Variants in MTMR10 observed in about 807,000 individuals in gnomAD.
MTMR10 encodes myotubularin related protein 10, also known as myotubularin-related protein 10.
MTMR10 carries 56 observed loss-of-function variants against 88.1 expected under a neutral mutation model. The observed-to-expected ratio is 0.64, with a 90% CI of 0.51 to 0.79. MTMR10 has a LOEUF of 0.79. MTMR10 is among the 30% of genes least tolerant of loss of function. The probability of loss-of-function intolerance (pLI) is 0.00; values close to 1 mark genes in which losing one functional copy is unlikely to be tolerated. For synonymous variants in MTMR10, 380 were observed against 340.9 expected, an observed-to-expected ratio of 1.11 and a Z score of -1.26; for missense variants, 883 against 924.7, an observed-to-expected ratio of 0.95 and a Z score of 0.58.
rs1292560434 is a variant in MTMR10, at chr15:30,940,176, G to A, written c.*1294C>T. On this transcript the variant is annotated 3_prime_UTR_variant, in exon 16 of 16. Coordinates refer to ENST00000435680, the MANE Select transcript of MTMR10 (RefSeq NM_017762.3). ...AGTATCCATGTTTTAAGCGGGGAAT[G>A]AGGAGTGTGGGGGAGGTGGTGCCCC... 1.0e-5 allele frequency: 10 copies of A among 985,352 alleles called. No homozygotes were observed. In the Admixed American group the frequency reaches 1.8e-4, roughly 18 times the overall value. The allele number at this position is 985,352 out of a possible 1,614,324, so 61.0% of individuals were successfully genotyped here.
intron 2 of MTMR10, among the ~76,000 whole-genome samples, chr15:30,988,978 ACT>A (rs1292625706): frequency 2.2e-5 from 3 of 133,618 alleles, no homozygotes; most frequent in Admixed American, 8.0e-5. Context: ...TAAGAGTGAG[ACT>A]CTGTCTCAAA....
At chr15:30,962,822 C>T (rs1289786516) in intron 6 of MTMR10, among the ~76,000 whole-genome samples, 2 of 152,222 alleles carry the variant, frequency 1.3e-5, no homozygotes, top group African/African-American at 4.8e-5. Context: ...CTAACTCTCG[C>T]TGCAGAGAGA....
At position 30,951,128 on chromosome 15, in the gene MTMR10, C is replaced by T. The variant is rs181683690; in HGVS notation, c.1207+840G>A. Among the ~76,000 whole-genome samples, 20 of 152,324 alleles carry T rather than the reference C, an allele frequency of 1.3e-4. No individual in the cohort carries two copies. In the East Asian group the frequency reaches 3.9e-3, roughly 29 times the overall value. ...TAGTCTATTGAACTTTATCTGCAAA[C>T]TTACAAATTCTATTAGCTGTAAGTT... is the stretch of plus-strand genomic sequence containing the variant. On this transcript the variant is annotated intron_variant, in intron 12 of 15. Transcript: ENST00000435680.
intron 1 of MTMR10, among the ~76,000 whole-genome samples, chr15:30,991,106 C>G (rs535503108): frequency 6.6e-6 from 1 of 152,286 alleles, no homozygotes; most frequent in South Asian, 2.1e-4. Flanking sequence ...TGACCCCAAG[C>G]GCTGCAATCA....
At chr15:30,990,075 G>T (rs1259782208) in intron 2 of MTMR10, among the ~76,000 whole-genome samples, 1 of 152,008 alleles carries the variant, frequency 6.6e-6, no homozygotes, top group East Asian at 1.9e-4. Context: ...GTCACCTATA[G>T]CAAATTTTGT....
intron 2 of MTMR10, among the ~76,000 whole-genome samples, chr15:30,989,870 C>A (rs1390460001): frequency 6.6e-6 from 1 of 152,120 alleles, no homozygotes; most frequent in Non-Finnish European, 1.5e-5. Context: ...CAGGCATGAG[C>A]CACCGTGCCC....
chr15:30,923,373 T>C, the MTMR10 span, among the ~76,000 whole-genome samples: 5 of 152,176 alleles, frequency 3.3e-5, no homozygotes, highest in African/African-American at 1.2e-4. Flanking sequence ...TTTCTTTCAA[T>C]GAAATAAAAG....
At chr15:30,921,394 A>T in the MTMR10 span, among the ~76,000 whole-genome samples, 9 of 152,244 alleles carry the variant, frequency 5.9e-5, no homozygotes, top group Non-Finnish European at 1.2e-4. Flanking sequence ...GAGACAATTT[A>T]TAATCACAAA....
intron 2 of MTMR10, among the ~76,000 whole-genome samples, chr15:30,985,596 TG>T (rs1196314082): frequency 6.6e-6 from 1 of 152,224 alleles, no homozygotes; most frequent in African/African-American, 2.4e-5. Flanking sequence ...GGAGATAAAC[TG>T]GTATCCTAGC....
chr15:30,932,018 T>C, the MTMR10 span, among the ~76,000 whole-genome samples: 1 of 150,992 alleles, frequency 6.6e-6, no homozygotes, highest in Non-Finnish European at 1.5e-5. Context: ...GTCAGGAGAT[T>C]GAGACCATCC....
intron 6 of MTMR10, among the ~76,000 whole-genome samples, chr15:30,963,658 T>TAGATAGACAGACAGAC (rs148662753): frequency 4.6e-5 from 7 of 150,704 alleles, no homozygotes; most frequent in Admixed American, 2.6e-4. Context: ...GACAGATAGA[T>TAGATAGACAGACAGAC]AGATAGACAG....
chr15:30,964,315 A>C (rs924928120), intron 6 of MTMR10, among the ~76,000 whole-genome samples: 2 of 152,256 alleles, frequency 1.3e-5, no homozygotes, highest in Non-Finnish European at 2.9e-5. Context: ...TGCAGACTTT[A>C]ATAAGCTAGG....
Position 30,939,114 on chromosome 15 carries a change from C to A in MTMR10, c.*2356G>T, listed in dbSNP as rs1679703942. The A allele has an allele frequency of 1.0e-6, 1 of 985,444 alleles. No homozygotes were observed. Among genetic ancestry groups the A allele is most frequent in the African/African-American group, 1.7e-5 (1 of 57,380 alleles). 61.0% of individuals were successfully genotyped at this position (985,444 alleles called of 1,614,324 possible). ...AAGTTTTAACCACTTGAGGTTACTA[C>A]TGCAGCAAGCAGATTTTGTTGACAA... On this transcript the variant is annotated 3_prime_UTR_variant, in exon 16 of 16. Coordinates refer to ENST00000435680, the MANE Select transcript of MTMR10 (RefSeq NM_017762.3).
chr15:30,942,292 T>C, intron 15 of MTMR10: 1 of 614,834 alleles, frequency 1.6e-6, no homozygotes, highest in Middle Eastern at 4.4e-4. Flanking sequence ...TCAGCCTGAA[T>C]GGGGGCGGGA....
chr15:30,935,937 T>G (rs2062839811), downstream of MTMR10, among the ~76,000 whole-genome samples: 1 of 152,202 alleles, frequency 6.6e-6, no homozygotes, highest in South Asian at 2.1e-4. Flanking sequence ...TTTGTGTGCC[T>G]GGGATTCATT....
In MTMR10 at chr15:30,941,423, GAA is replaced by G. The variant is rs751123587; in HGVS notation, c.*45_*46del. The G allele has an allele frequency of 1.3e-6, 2 of 1,565,644 alleles. No homozygotes were observed. Among genetic ancestry groups the G allele is most frequent in the African/African-American group, 2.7e-5 (2 of 72,976 alleles). ...CTAGGTTAGCAATGTTAATTCAGAG[GAA>G]AAAAGTTGACAGCTTCCCTCAAAAT... On this transcript the variant is annotated 3_prime_UTR_variant, in exon 16 of 16. Coordinates refer to ENST00000435680, the MANE Select transcript of MTMR10 (RefSeq NM_017762.3).
chr15:30,941,366 C>T lies in MTMR10; in HGVS notation c.*104G>A. 1.3e-6 allele frequency: 2 copies of T among 1,538,850 alleles called. No individual in the cohort carries two copies. Among genetic ancestry groups the T allele is most frequent in the South Asian group, 1.2e-5 (1 of 82,220 alleles). On this transcript the variant is annotated 3_prime_UTR_variant, in exon 16 of 16. Coordinates refer to ENST00000435680, the MANE Select transcript of MTMR10 (RefSeq NM_017762.3). ...ATTAGTGCAAATTCCAACTATTATT[C>T]TTACATATAAAGTTATTAGAGATTC...
At chr15:30,950,781 C>T (rs1432284227) in intron 12 of MTMR10, among the ~76,000 whole-genome samples, 1 of 152,126 alleles carries the variant, frequency 6.6e-6, no homozygotes, top group Non-Finnish European at 1.5e-5. Context: ...ATTCCAGGGC[C>T]TCCTTTGGAT....
rs995305850 is a variant in MTMR10, at chr15:30,943,755, G to A, written c.1549-683C>T. 3.0e-6 allele frequency: 3 copies of A among 985,138 alleles called. No homozygotes were observed. The African/African-American group carries it at 5.2e-5, about 17-fold the overall frequency. 61.0% of individuals were successfully genotyped at this position (985,138 alleles called of 1,614,324 possible). A position where few individuals can be genotyped will look rare whatever the true frequency, so the allele number is the denominator to read the frequency against. On this transcript the variant is annotated intron_variant, in intron 14 of 15. Coordinates refer to ENST00000435680, the MANE Select transcript of MTMR10 (RefSeq NM_017762.3). ...CCACAGTAAACTGAGGCAACACAAG[G>A]CTACAGGGTGACAGCCAACCACCGC...
Sources: gnomAD v4.1 joint callset for allele counts (sites outside exome capture counted in the v4.1 genomes callset) on GRCh38, gnomAD v4.1.1 for gene constraint, MANE v1.5 for transcripts, NCBI Gene and HGNC (gene_info 2026-07-23, HGNC 2026-07-21) for gene names.